The following WWOX variants were observed in gnomAD, a reference collection of about 807,000 sequenced individuals.
WWOX encodes WW domain containing oxidoreductase.
A neutral mutation model predicts 46.2 loss-of-function variants in WWOX; 69 were observed. That is an observed-to-expected ratio of 1.49 (90% confidence interval 1.23 to 1.82). WWOX has a LOEUF of 1.82. Ranked by LOEUF, WWOX falls within the 40% of genes most tolerant of loss-of-function variation. The probability of loss-of-function intolerance (pLI) is 0.00; values close to 1 mark genes in which losing one functional copy is unlikely to be tolerated. For synonymous variants in WWOX, 359 were observed against 202.6 expected, an observed-to-expected ratio of 1.77 and a Z score of -6.56; for missense variants, 919 against 542.6, an observed-to-expected ratio of 1.69 and a Z score of -6.89.
chr16:79,163,942 A>G (rs2050540604), intron 8 of WWOX, among the ~76,000 whole-genome samples: 2 of 150,950 alleles, frequency 1.3e-5, no homozygotes, highest in Non-Finnish European at 2.9e-5. Context: ...TGCCGTTTCT[A>G]GCCCAGCCCA....
At chr16:78,518,127 C>T (rs554939770) in intron 8 of WWOX, among the ~76,000 whole-genome samples, 1 of 152,206 alleles carries the variant, frequency 6.6e-6, no homozygotes, top group South Asian at 2.1e-4. Context: ...TCATAAGAGT[C>T]ACATGAAATA....
chr16:78,813,168 A>G (rs1194442534), intron 8 of WWOX, among the ~76,000 whole-genome samples: 1 of 152,062 alleles, frequency 6.6e-6, no homozygotes, highest in Non-Finnish European at 1.5e-5. Context: ...AGCATCTCAA[A>G]TGTACCTTTA....
At chr16:78,416,179 C>G (rs1303413558) in intron 6 of WWOX, among the ~76,000 whole-genome samples, 1 of 152,164 alleles carries the variant, frequency 6.6e-6, no homozygotes, top group East Asian at 1.9e-4. Flanking sequence ...ATTTTTGTTT[C>G]CATTCTGTCT....
chr16:78,330,784 C>G (rs2080738029), intron 5 of WWOX, among the ~76,000 whole-genome samples: 1 of 152,190 alleles, frequency 6.6e-6, no homozygotes, highest in African/African-American at 2.4e-5. Context: ...CTTTCAGTCA[C>G]CCTCAAAGGG....
chr16:78,215,578 C>G (rs2036692683), intron 5 of WWOX, among the ~76,000 whole-genome samples: 1 of 152,166 alleles, frequency 6.6e-6, no homozygotes, highest in Non-Finnish European at 1.5e-5. Context: ...GTCAATAAAC[C>G]TCTTTCCTTT....
chr16:79,062,245 G>A (rs758366297), intron 8 of WWOX, among the ~76,000 whole-genome samples: 1 of 152,120 alleles, frequency 6.6e-6, no homozygotes, highest in East Asian at 1.9e-4. Flanking sequence ...ACCATAATGG[G>A]ACATATCATT....
intron 8 of WWOX, among the ~76,000 whole-genome samples, chr16:78,472,760 G>C (rs1482957750): frequency 2.3e-5 from 3 of 129,218 alleles, no homozygotes; most frequent in Non-Finnish European, 4.7e-5. Flanking sequence ...AGTGAGCCGA[G>C]ATCTTGCCAT....
At chr16:78,719,611 G>A (rs903343496) in intron 8 of WWOX, among the ~76,000 whole-genome samples, 1 of 152,182 alleles carries the variant, frequency 6.6e-6, no homozygotes, top group Non-Finnish European at 1.5e-5. Context: ...CTTTGGAAGA[G>A]CCTTTTTAAT....
At chr16:78,290,758 A>G (rs1225529376) in intron 5 of WWOX, among the ~76,000 whole-genome samples, 2 of 152,150 alleles carry the variant, frequency 1.3e-5, no homozygotes, top group African/African-American at 4.8e-5. Context: ...GGAATAGCTT[A>G]ATTATTTAGG....
intron 8 of WWOX, among the ~76,000 whole-genome samples, chr16:78,929,303 C>T (rs530982876): frequency 1.3e-5 from 2 of 151,796 alleles, no homozygotes; most frequent in African/African-American, 4.8e-5. Flanking sequence ...TTTTAAGAGC[C>T]TCAAGTGTCC....
intron 5 of WWOX, among the ~76,000 whole-genome samples, chr16:78,323,670 A>G (rs1452162928): frequency 6.6e-6 from 1 of 152,202 alleles, no homozygotes; most frequent in Admixed American, 6.5e-5. Context: ...AGAACAGGGA[A>G]GGGTGGATTC....
chr16:79,058,109 AAAAAAAAAAAACAAACAAAC>A lies in WWOX; in HGVS notation c.1057-153487_1057-153468del, dbSNP rs1447274214. ...AGAGTAGGAGATATATCTTACTTAAAAAAAAAAAAAACAAACAAACAAAAAAAAAAAACTCCTTCTTCATT... is the reference window on the plus strand; with the variant it reads ...AGAGTAGGAGATATATCTTACTTAAAAAAAAAAAAAAACTCCTTCTTCATT... On this transcript the variant is annotated intron_variant, in intron 8 of 8. Coordinates refer to ENST00000566780, the MANE Select transcript of WWOX (RefSeq NM_016373.4). Among the ~76,000 whole-genome samples the A allele has an allele frequency of 2.0e-3, 174 of 87,700 alleles. 2 individuals are homozygous for A. The highest frequency in any genetic ancestry group is 9.5e-3 in the African/African-American group (144 of 15,166). The allele number at this position is 87,700 out of a possible 152,430, so 57.5% of individuals were successfully genotyped here. A position where few individuals can be genotyped will look rare whatever the true frequency, so the allele number is the denominator to read the frequency against.
intron 1 of WWOX, among the ~76,000 whole-genome samples, chr16:78,106,627 G>C (rs1245932174): frequency 6.6e-6 from 1 of 151,964 alleles, no homozygotes; most frequent in Admixed American, 6.6e-5. Context: ...TGTTGTTCAG[G>C]CTGGTCGCGA....
chr16:78,547,928 G>A (rs979198154), intron 8 of WWOX, among the ~76,000 whole-genome samples: 8 of 152,100 alleles, frequency 5.3e-5, no homozygotes, highest in Non-Finnish European at 1.2e-4. Flanking sequence ...GAGATGGGCA[G>A]ATCACTTGAG....
At chr16:78,432,461 C>G in intron 7 of WWOX, 27 bp from the exon 8 acceptor site, 1 of 1,611,448 alleles carries the variant, frequency 6.2e-7, no homozygotes, top group Non-Finnish European at 8.5e-7. Flanking sequence ...AACTTGGTTG[C>G]TTCATGTCAT....
intron 8 of WWOX, among the ~76,000 whole-genome samples, chr16:78,787,550 G>C (rs1214075865): frequency 6.6e-6 from 1 of 152,036 alleles, no homozygotes; most frequent in Non-Finnish European, 1.5e-5. Context: ...ACCACTTTTT[G>C]TTTATCCATT....
intron 8 of WWOX, among the ~76,000 whole-genome samples, chr16:78,948,510 G>T (rs114141327): frequency 6.6e-6 from 1 of 152,126 alleles, no homozygotes; most frequent in African/African-American, 2.4e-5. Context: ...AAAGGCACCA[G>T]ACCCCAAGAC....
intron 8 of WWOX, among the ~76,000 whole-genome samples, chr16:78,521,350 C>G (rs540182007): frequency 1.3e-5 from 2 of 152,248 alleles, no homozygotes; most frequent in African/African-American, 2.4e-5. Context: ...GCCACCAAGC[C>G]TAGCCTTGAT....
At chr16:78,396,205 T>A (rs562247961) in intron 6 of WWOX, among the ~76,000 whole-genome samples, 1 of 152,336 alleles carries the variant, frequency 6.6e-6, no homozygotes, top group South Asian at 2.1e-4. Context: ...CTTAGCAGTT[T>A]TTTGATAACT....
Sources: gnomAD v4.1 joint callset for allele counts (sites outside exome capture counted in the v4.1 genomes callset) on GRCh38, gnomAD v4.1.1 for gene constraint, MANE v1.5 for transcripts, NCBI Gene and HGNC (gene_info 2026-07-23, HGNC 2026-07-21) for gene names.